The following MFSD8 variants were observed in gnomAD, a reference collection of about 807,000 sequenced individuals.
MFSD8 encodes the protein major facilitator superfamily domain containing 8, also known as major facilitator superfamily domain-containing protein 8.
Under a neutral mutation model 66.4 loss-of-function variants are expected in MFSD8, and 55 were observed. The ratio of observed to expected loss-of-function variants is 0.83; its 90% CI spans 0.67 to 1.04. MFSD8 has a LOEUF of 1.04. Among genes scored for constraint, MFSD8 ranks in the 50% least tolerant of loss-of-function variants. The probability of loss-of-function intolerance (pLI) is 0.00; values close to 1 mark genes in which losing one functional copy is unlikely to be tolerated. For missense variants in MFSD8, 550 were observed against 627.6 expected (o/e 0.88, Z 1.32); for synonymous variants, 202 against 212.8 (o/e 0.95, Z 0.44).
chr4:127,944,782 T>C (rs543707511), intron 3 of MFSD8, among the ~76,000 whole-genome samples: 1 of 152,150 alleles, frequency 6.6e-6, no homozygotes, highest in South Asian at 2.1e-4. Context: ...TGCCTCAGCC[T>C]CTTGAGTAGC....
chr4:127,940,670 A>G (rs2148910646), intron 5 of MFSD8, among the ~76,000 whole-genome samples: 1 of 151,846 alleles, frequency 6.6e-6, no homozygotes, highest in East Asian at 1.9e-4. Flanking sequence ...TAGTGATTTT[A>G]AACATTAGTT....
chr4:127,946,902 G>A (rs1009039908), intron 3 of MFSD8, among the ~76,000 whole-genome samples: 3 of 150,738 alleles, frequency 2.0e-5, no homozygotes, highest in African/African-American at 7.3e-5. Context: ...GTGACAGAGC[G>A]AGACTCCATT....
Position 127,921,679 on chromosome 4 carries a change from T to C in MFSD8, c.1195A>G (p.Thr399Ala), listed in dbSNP as rs1293270421. 6.2e-7 allele frequency: 1 copy of C among 1,614,178 alleles called. No individual in the cohort carries two copies. Among genetic ancestry groups the C allele is most frequent in the Non-Finnish European group, 8.5e-7 (1 of 1,180,034 alleles). Residue 399 changes from threonine to alanine, a missense_variant, in exon 11 of 12, where the codon ACT becomes GCT. Physicochemically the swap from Thr to Ala is moderately conservative, Grantham distance 58. Coordinates refer to ENST00000641686, the MANE Select transcript of MFSD8 (RefSeq NM_001371596.2). ...SPMEDDNERP[T>A]GCSIEQAWCL... ...CAGGCTTGTTCAATCGAGCAACCAG[T>C]TGGTCTTTCATTGTCATCTTCCATT...
chr4:127,929,375 T>C (rs1737762854), intron 9 of MFSD8, among the ~76,000 whole-genome samples: 1 of 123,168 alleles, frequency 8.1e-6, no homozygotes, highest in African/African-American at 3.2e-5. Flanking sequence ...AGAGAGTAGA[T>C]TGGTGAGCCC....
chr4:127,928,832 A>G (rs1240394348), intron 9 of MFSD8, among the ~76,000 whole-genome samples: 1 of 152,150 alleles, frequency 6.6e-6, no homozygotes, highest in East Asian at 1.9e-4. Flanking sequence ...AAAATATGAA[A>G]CCAACCTAAG....
Position 127,918,949 on chromosome 4 carries a change from A to C in MFSD8, c.*1681T>G, listed in dbSNP as rs931461516. The C allele has an allele frequency of 3.8e-4, 58 of 152,302 alleles. No homozygotes were observed. The highest frequency in any genetic ancestry group is 1.4e-3 in the African/African-American group (57 of 41,574). 9.4% of individuals were successfully genotyped at this position (152,302 alleles called of 1,614,324 possible). A position where few individuals can be genotyped will look rare whatever the true frequency, so the allele number is the denominator to read the frequency against. On this transcript the variant is annotated 3_prime_UTR_variant, in exon 12 of 12. Coordinates refer to ENST00000641686, the MANE Select transcript of MFSD8 (RefSeq NM_001371596.2). The stretch of plus-strand genomic sequence containing the variant: ...TTTAAGATTAGACGTGGCCCAAAAA[A>C]TGTAAGACAGAGAAAGCAGCTGCAG...
chr4:127,943,207 G>C (rs1284906242), intron 4 of MFSD8, among the ~76,000 whole-genome samples: 1 of 148,808 alleles, frequency 6.7e-6, no homozygotes, highest in Non-Finnish European at 1.5e-5. Flanking sequence ...GACAGAGTAA[G>C]ACTCCGTTTC....
chr4:127,964,299 CG>C (rs955175395), intron 1 of MFSD8, among the ~76,000 whole-genome samples: 2 of 152,220 alleles, frequency 1.3e-5, no homozygotes, highest in Non-Finnish European at 2.9e-5. Context: ...CGGCGCTCAT[CG>C]GGGAGGCTCG....
intron 3 of MFSD8, among the ~76,000 whole-genome samples, chr4:127,949,007 A>G (rs889670013): frequency 6.6e-6 from 1 of 152,246 alleles, no homozygotes; most frequent in African/African-American, 2.4e-5. Context: ...AACAATGTCA[A>G]ATCCTATCCA....
chr4:127,965,284 G>T, upstream of MFSD8: 1 of 954,056 alleles, frequency 1.0e-6, no homozygotes, highest in Non-Finnish European at 1.6e-6. Context: ...GGTCATAGGC[G>T]GGGTCACGCG....
At chr4:127,940,162 T>A (rs1322912325) in intron 5 of MFSD8, among the ~76,000 whole-genome samples, 165 bp from the exon 6 acceptor site, 1 of 152,132 alleles carries the variant, frequency 6.6e-6, no homozygotes, top group East Asian at 1.9e-4. Flanking sequence ...GGTCAAAAAA[T>A]TTCCTCTTTT....
At chr4:127,943,313 A>G (rs769000940) in intron 4 of MFSD8, 8 of 197,470 alleles carry the variant, frequency 4.1e-5, no homozygotes, top group South Asian at 2.7e-4. Context: ...GAAGAAAAAA[A>G]TCTCTCAAGG....
intron 9 of MFSD8, among the ~76,000 whole-genome samples, chr4:127,923,203 G>A (rs867878003): frequency 6.6e-6 from 1 of 152,140 alleles, no homozygotes; most frequent in African/African-American, 2.4e-5. Flanking sequence ...CTTGTCTTGT[G>A]CCGGTTTTCA....
At chr4:127,957,696 T>C (rs1393442115) in intron 1 of MFSD8, 104 bp from the exon 2 acceptor site, 2 of 780,112 alleles carry the variant, frequency 2.6e-6, no homozygotes, top group Non-Finnish European at 2.2e-6. Flanking sequence ...GTGATAGAGG[T>C]AGAATTTACC....
At chr4:127,944,140 G>T (rs2148923356) in intron 3 of MFSD8, 148 bp from the exon 4 acceptor site, 2 of 1,090,716 alleles carry the variant, frequency 1.8e-6, no homozygotes, top group Middle Eastern at 2.3e-4. Flanking sequence ...TATAGTAAGG[G>T]ATTCAAACTT....
chr4:127,937,081 C>T (rs1461787024), intron 7 of MFSD8, among the ~76,000 whole-genome samples: 4 of 152,232 alleles, frequency 2.6e-5, no homozygotes, highest in Non-Finnish European at 4.4e-5. Context: ...CATATTCTCA[C>T]ATATTCATTC....
At chr4:127,957,017 T>C (rs536374660) in intron 2 of MFSD8, among the ~76,000 whole-genome samples, 8 of 152,260 alleles carry the variant, frequency 5.3e-5, no homozygotes, top group Non-Finnish European at 8.8e-5. Context: ...TTCACAAGCC[T>C]TAAGCACATA....
chr4:127,950,242 A>G (rs1322542250), intron 2 of MFSD8, among the ~76,000 whole-genome samples: 1 of 152,240 alleles, frequency 6.6e-6, no homozygotes, highest in African/African-American at 2.4e-5. Flanking sequence ...TGAAGGGAAG[A>G]GCAGGAATAA....
At chr4:127,940,064 G>C in intron 5 of MFSD8, 67 bp from the exon 6 acceptor site, 1 of 1,392,862 alleles carries the variant, frequency 7.2e-7, no homozygotes, top group South Asian at 1.2e-5. Context: ...AAATGAAAAA[G>C]ACATTTACAA....
Sources: allele counts gnomAD v4.1 joint callset (sites outside exome capture counted in the v4.1 genomes callset), GRCh38; gene constraint gnomAD v4.1.1; transcripts MANE v1.5; gene names NCBI Gene and HGNC (gene_info 2026-07-23, HGNC 2026-07-21).